Variants in SIPA1L3 observed in about 807,000 individuals in gnomAD.
The protein encoded by SIPA1L3 is signal induced proliferation associated 1 like 3, also known as signal-induced proliferation-associated 1-like protein 3.
A neutral mutation model predicts 150.1 loss-of-function variants in SIPA1L3; 59 were observed. The observed-to-expected ratio is 0.39, with a 90% confidence interval of 0.32 to 0.49. The LOEUF is 0.49. Among genes scored for constraint, SIPA1L3 ranks in the 20% least tolerant of loss-of-function variants. The pLI, the probability that SIPA1L3 is intolerant of heterozygous loss-of-function variation, is 0.86. For synonymous variants in SIPA1L3, 1,070 were observed against 1,077.6 expected (o/e 0.99, Z 0.14); for missense variants, 2,211 against 2,489.5 (o/e 0.89, Z 2.38).
At chr19:38,197,228 C>A (rs1211841310) in intron 18 of SIPA1L3, among the ~76,000 whole-genome samples, 3 of 152,128 alleles carry the variant, frequency 2.0e-5, no homozygotes, top group African/African-American at 7.2e-5. Context: ...CACGGTCAGG[C>A]TCTGCCGATT....
intron 1 of SIPA1L3, among the ~76,000 whole-genome samples, chr19:38,013,967 G>T (rs975608790): frequency 2.0e-5 from 3 of 152,260 alleles, no homozygotes; most frequent in Non-Finnish European, 4.4e-5. Flanking sequence ...GTAAAATACA[G>T]CGACAAAAGT....
At position 38,162,370 on chromosome 19, in the gene SIPA1L3, A is replaced by T; in HGVS notation, c.3779A>T (p.Lys1260Ile). The T allele has an allele frequency of 6.2e-7, 1 of 1,612,630 alleles. No homozygotes were observed. The highest frequency in any genetic ancestry group is 8.5e-7 in the Non-Finnish European group (1 of 1,178,642). ...AGKDSPNRHSKGEPQYSSHSS... is the reference protein window; with the variant it reads ...AGKDSPNRHSIGEPQYSSHSS... ...AAAGATTCCCCCAACAGGCATTCCA[A>T]AGTGAGTCTGGGCCCCACCCTGCCC... Residue 1260 changes from lysine to isoleucine, a missense_variant and splice_region_variant, in exon 14 of 22, where the codon AAA becomes ATA. Lys to Ile is a moderately radical substitution (Grantham distance 102, BLOSUM62 -3). Transcript: ENST00000222345.
chr19:38,000,860 T>C (rs1398898815), intron 1 of SIPA1L3, among the ~76,000 whole-genome samples: 1 of 146,656 alleles, frequency 6.8e-6, no homozygotes, highest in East Asian at 2.0e-4. Flanking sequence ...TCTTTGTACA[T>C]TTATGTTCCA....
At chr19:38,040,657 C>T (rs890324699) in intron 2 of SIPA1L3, among the ~76,000 whole-genome samples, 4 of 152,082 alleles carry the variant, frequency 2.6e-5, no homozygotes, top group Admixed American at 6.5e-5. Context: ...ATTACACATC[C>T]TTTTTTTAAA....
At chr19:38,135,779 T>C (rs1971421923) in intron 10 of SIPA1L3, among the ~76,000 whole-genome samples, 1 of 152,100 alleles carries the variant, frequency 6.6e-6, no homozygotes, top group Admixed American at 6.6e-5. Context: ...GTTTTTGTTG[T>C]TCTTCAAATG....
chr19:38,022,109 C>T (rs781406683), intron 1 of SIPA1L3, among the ~76,000 whole-genome samples: 40 of 152,176 alleles, frequency 2.6e-4, no homozygotes, highest in African/African-American at 8.4e-4. Context: ...GAGCCAGACC[C>T]GCTGGGTTCA....
intron 2 of SIPA1L3, among the ~76,000 whole-genome samples, chr19:38,043,111 G>T (rs567439429): frequency 2.0e-5 from 3 of 152,098 alleles, no homozygotes; most frequent in Admixed American, 6.6e-5. Context: ...GGGCCGAGGC[G>T]GGCAGATCAC....
intron 1 of SIPA1L3, among the ~76,000 whole-genome samples, chr19:37,954,159 AT>A (rs1376296035): frequency 1.3e-5 from 2 of 152,090 alleles, no homozygotes; most frequent in Non-Finnish European, 2.9e-5. Flanking sequence ...TTCCCTGGGA[AT>A]TTTTTCTTGG....
At chr19:38,066,215 G>A (rs776882300) in intron 2 of SIPA1L3, among the ~76,000 whole-genome samples, 2 of 151,662 alleles carry the variant, frequency 1.3e-5, no homozygotes, top group South Asian at 2.1e-4. Flanking sequence ...ATAGGGTCTC[G>A]TTATGTTATC....
intron 2 of SIPA1L3, among the ~76,000 whole-genome samples, chr19:38,057,708 G>A (rs75633066): frequency 0.025 from 3,718 of 151,630 alleles, 68 homozygotes; most frequent in Middle Eastern, 0.092. Context: ...GTGCAGTGGC[G>A]CAATCTTGGC....
At chr19:38,091,756 T>C (rs1970264023) in intron 4 of SIPA1L3, among the ~76,000 whole-genome samples, 1 of 152,128 alleles carries the variant, frequency 6.6e-6, no homozygotes, top group Non-Finnish European at 1.5e-5. Context: ...TGTGTTTTTG[T>C]TCGTAATGAA....
intron 18 of SIPA1L3, 102 bp from the exon 19 acceptor site, chr19:38,198,287 T>C: frequency 7.6e-7 from 1 of 1,313,638 alleles, no homozygotes; most frequent in Non-Finnish European, 1.0e-6. Flanking sequence ...GAGGTTTTCC[T>C]GGGCATGTAG....
chr19:38,167,835 G>T (rs1208465975), intron 15 of SIPA1L3, among the ~76,000 whole-genome samples: 3 of 152,140 alleles, frequency 2.0e-5, no homozygotes, highest in Non-Finnish European at 4.4e-5. Context: ...AAAATGCTGG[G>T]ATTACAGGCA....
At chr19:38,000,929 TATAAC>T (rs1176026052) in intron 1 of SIPA1L3, among the ~76,000 whole-genome samples, 151 of 131,072 alleles carry the variant, frequency 1.2e-3, no homozygotes, top group African/African-American at 4.3e-3. Flanking sequence ...ATAACATATA[TATAAC>T]ATATATAACA....
At chr19:38,099,873 T>C in intron 4 of SIPA1L3, 89 bp from the exon 5 acceptor site, 2 of 1,113,762 alleles carry the variant, frequency 1.8e-6, no homozygotes, top group Non-Finnish European at 2.5e-6. Context: ...ATCACACATG[T>C]CTCTTTCAAA....
At chr19:38,013,356 A>G (rs1002206478) in intron 1 of SIPA1L3, among the ~76,000 whole-genome samples, 4 of 152,180 alleles carry the variant, frequency 2.6e-5, no homozygotes, top group Non-Finnish European at 4.4e-5. Context: ...TACCCTCCCA[A>G]GTTGCTGGAG....
In SIPA1L3 at chr19:38,140,786, G is replaced by A. The variant is rs542935458; in HGVS notation, c.3144-398G>A. 4.6e-5 allele frequency among the ~76,000 whole-genome samples: 7 copies of A among 152,202 alleles called. No homozygotes were observed. The East Asian group carries it at 9.7e-4, about 21-fold the overall frequency. On this transcript the variant is annotated intron_variant, in intron 10 of 21. Transcript: ENST00000222345. The stretch of plus-strand genomic sequence containing the variant: ...AAATAGGCCATCCCCAGCCGGGCGC[G>A]GTGGCTCACTCCTATAATCCCAGCA...
intron 1 of SIPA1L3, among the ~76,000 whole-genome samples, chr19:37,937,170 A>G (rs924291815): frequency 6.6e-6 from 1 of 152,126 alleles, no homozygotes; most frequent in East Asian, 1.9e-4. Context: ...GCCTGTATTA[A>G]CTTTTTAAAG....
chr19:37,942,939 T>A (rs1447271660), intron 1 of SIPA1L3, among the ~76,000 whole-genome samples: 1 of 151,842 alleles, frequency 6.6e-6, no homozygotes, highest in Non-Finnish European at 1.5e-5. Context: ...TCTGGAATCC[T>A]GGCCTCAAGT....
Sources: allele counts gnomAD v4.1 joint callset (sites outside exome capture counted in the v4.1 genomes callset), GRCh38; gene constraint gnomAD v4.1.1; transcripts MANE v1.5; gene names NCBI Gene and HGNC (gene_info 2026-07-23, HGNC 2026-07-21).